RAB22A: variants seen among roughly 807,000 people sequenced by gnomAD.
RAB22A encodes ras-related protein Rab-22A.
RAB22A carries 13 observed loss-of-function variants against 30.2 expected under a neutral mutation model. The ratio of observed to expected loss-of-function variants is 0.43; its 90% CI spans 0.28 to 0.68. The LOEUF is 0.68. Ranked by LOEUF, RAB22A falls within the 30% of genes least tolerant of loss-of-function variation. RAB22A has a pLI of 0.18. For synonymous variants in RAB22A, 89 were observed against 87.2 expected (o/e 1.02, Z -0.11); for missense variants, 177 against 246.8 (o/e 0.72, Z 1.89).
intron 6 of RAB22A, among the ~76,000 whole-genome samples, chr20:58,358,997 A>G (rs999075260): frequency 2.6e-5 from 4 of 151,896 alleles, no homozygotes; most frequent in Non-Finnish European, 4.4e-5. Context: ...AATGGTGCAT[A>G]TGGTTTGCTT....
intron 2 of RAB22A, among the ~76,000 whole-genome samples, chr20:58,324,634 C>T (rs971015575): frequency 2.6e-5 from 4 of 152,016 alleles, no homozygotes; most frequent in Admixed American, 2.0e-4. Context: ...TTTGGGAGGC[C>T]GAGGCGGGCA....
At chr20:58,320,838 T>G (rs1384215803) in intron 2 of RAB22A, among the ~76,000 whole-genome samples, 3 of 152,122 alleles carry the variant, frequency 2.0e-5, no homozygotes, top group Non-Finnish European at 4.4e-5. Context: ...GGTGGATCAC[T>G]TGAAGTCAGG....
chr20:58,359,773 C>G lies in RAB22A; in HGVS notation c.*70C>G, dbSNP rs1987194752. The G allele has an allele frequency of 7.1e-7, 1 of 1,409,474 alleles. No homozygotes were observed. The highest frequency in any genetic ancestry group is 9.9e-7 in the Non-Finnish European group (1 of 1,012,770). 87.3% of individuals were successfully genotyped at this position (1,409,474 alleles called of 1,614,324 possible). On this transcript the variant is annotated 3_prime_UTR_variant, in exon 7 of 7. Coordinates refer to ENST00000244040, the MANE Select transcript of RAB22A (RefSeq NM_020673.3). The stretch of plus-strand genomic sequence containing the variant: ...GAAAGTTAACAGGAGGGCTGGGGTC[C>G]CTGCCACCAGTTTTCACCTAGCCAG...
rs150243815 is a variant in RAB22A, at chr20:58,343,797, C to T, written c.196C>T (p.Arg66Ter). 5 of 1,598,048 alleles carry T rather than the reference C, an allele frequency of 3.1e-6. No individual in the cohort carries two copies. Among genetic ancestry groups the T allele is most frequent in the Non-Finnish European group, 4.3e-6 (5 of 1,165,496 alleles). ...AATCTGGGATACAGCTGGACAAGAA[C>T]GAGTAAGTCACTCTTTAATTTACTC... ...FLIWDTAGQE[R>*]FRALAPMYYR... The change falls in exon 3 of 7, where the codon CGA becomes TGA. Residue 66 changes from arginine (R) to a stop codon, truncating the protein, a stop_gained and splice_region_variant. Transcript: ENST00000244040. LOFTEE classifies it high-confidence loss of function.
chr20:58,318,398 A>G (rs1986385738), intron 2 of RAB22A, among the ~76,000 whole-genome samples: 1 of 152,218 alleles, frequency 6.6e-6, no homozygotes, highest in Admixed American at 6.5e-5. Flanking sequence ...AGTATCCCAA[A>G]TACAAAATGC....
intron 3 of RAB22A, among the ~76,000 whole-genome samples, chr20:58,346,866 G>C (rs1251572867): frequency 6.6e-6 from 1 of 152,198 alleles, no homozygotes; most frequent in East Asian, 1.9e-4. Context: ...TCATCCATGG[G>C]ATTGTCACCT....
chr20:58,327,665 G>A (rs1424351169), intron 2 of RAB22A, among the ~76,000 whole-genome samples: 7 of 152,082 alleles, frequency 4.6e-5, no homozygotes, highest in Admixed American at 3.3e-4. Flanking sequence ...AAGGGAGTAG[G>A]GAATAACCTC....
In RAB22A at chr20:58,361,547, A is replaced by G. The variant is rs1987224433; in HGVS notation, c.*1844A>G. ...CCCGGTGCTAAATTAGCAAGCTCCT[A>G]GAGAAGCCATGTGATTCCCAGAGCC... On this transcript the variant is annotated 3_prime_UTR_variant, in exon 7 of 7. Coordinates refer to ENST00000244040, the MANE Select transcript of RAB22A (RefSeq NM_020673.3). The G allele has an allele frequency of 1.3e-5, 2 of 152,162 alleles. No homozygotes were observed. The highest frequency in any genetic ancestry group is 4.1e-4 in the South Asian group (2 of 4,828). The allele number at this position is 152,162 out of a possible 1,614,324, so 9.4% of individuals were successfully genotyped here.
intron 2 of RAB22A, among the ~76,000 whole-genome samples, chr20:58,333,774 G>T (rs1032097415): frequency 3.3e-5 from 5 of 152,128 alleles, no homozygotes; most frequent in African/African-American, 1.2e-4. Flanking sequence ...AAAATCGAGG[G>T]CCCAGTGCCA....
At chr20:58,316,578 A>G (rs1191792007) in intron 2 of RAB22A, among the ~76,000 whole-genome samples, 2 of 152,092 alleles carry the variant, frequency 1.3e-5, no homozygotes, top group Non-Finnish European at 2.9e-5. Context: ...GTAGTGAGCC[A>G]TTGTGTAGTG....
intron 6 of RAB22A, among the ~76,000 whole-genome samples, chr20:58,357,159 C>T (rs1187650946): frequency 1.3e-5 from 2 of 152,210 alleles, no homozygotes; most frequent in African/African-American, 2.4e-5. Context: ...GAAGTCCGAT[C>T]ACCTTCTGTC....
chr20:58,318,149 A>C (rs1036642076), intron 2 of RAB22A, among the ~76,000 whole-genome samples: 1 of 152,252 alleles, frequency 6.6e-6, no homozygotes, highest in African/African-American at 2.4e-5. Flanking sequence ...ATTAGGCATG[A>C]GCCACAGCAT....
chr20:58,361,310 G>GC lies in RAB22A; in HGVS notation c.*1613dup, dbSNP rs1351600765. The stretch of plus-strand genomic sequence containing the variant: ...TAAAAAATAATTGGTATTATTTTGT[G>GC]CCCCCCACTTAATATGGATAGATTT... On this transcript the variant is annotated 3_prime_UTR_variant, in exon 7 of 7. Coordinates refer to ENST00000244040, the MANE Select transcript of RAB22A (RefSeq NM_020673.3). The GC allele has an allele frequency of 5.9e-5, 9 of 152,464 alleles. No homozygotes were observed. The highest frequency in any genetic ancestry group is 9.7e-5 in the African/African-American group (4 of 41,408). 9.4% of individuals were successfully genotyped at this position (152,464 alleles called of 1,614,324 possible). A position where few individuals can be genotyped will look rare whatever the true frequency, so the allele number is the denominator to read the frequency against.
At chr20:58,357,127 C>T (rs1293437876) in intron 6 of RAB22A, among the ~76,000 whole-genome samples, 1 of 152,206 alleles carries the variant, frequency 6.6e-6, no homozygotes, top group Non-Finnish European at 1.5e-5. Flanking sequence ...TACTAGTTGA[C>T]AACCATACCG....
rs564643180 is a variant in RAB22A at position 58,366,824 on chromosome 20, C to T, written c.*7121C>T. ...TAGTTAACATAAGTGGTCAGAACTT[C>T]GCTGAATTTGTAATAAAGCATTTGT... On this transcript the variant is annotated 3_prime_UTR_variant, in exon 7 of 7. Coordinates refer to ENST00000244040, the MANE Select transcript of RAB22A (RefSeq NM_020673.3). 6.6e-6 allele frequency: 1 copy of T among 152,248 alleles called. No homozygotes were observed. The highest frequency in any genetic ancestry group is 2.4e-5 in the African/African-American group (1 of 41,358). 9.4% of individuals were successfully genotyped at this position (152,248 alleles called of 1,614,324 possible). A position where few individuals can be genotyped will look rare whatever the true frequency, so the allele number is the denominator to read the frequency against.
At chr20:58,348,890 G>A (rs753880771) in intron 3 of RAB22A, among the ~76,000 whole-genome samples, 39 of 152,300 alleles carry the variant, frequency 2.6e-4, no homozygotes, top group Admixed American at 1.6e-3. Flanking sequence ...ATAACAGGCC[G>A]CAGGTTAGAC....
At chr20:58,347,488 A>G (rs1986971400) in intron 3 of RAB22A, among the ~76,000 whole-genome samples, 1 of 152,174 alleles carries the variant, frequency 6.6e-6, no homozygotes, top group Admixed American at 6.5e-5. Flanking sequence ...ATTTTTGTAA[A>G]AATTTGTCAT....
intron 2 of RAB22A, among the ~76,000 whole-genome samples, chr20:58,327,635 A>G (rs1986590834): frequency 6.6e-6 from 1 of 152,254 alleles, no homozygotes; most frequent in South Asian, 2.1e-4. Context: ...GAAGGGAGTT[A>G]CTAAACCAAT....
chr20:58,321,033 T>C (rs541510581), intron 2 of RAB22A, among the ~76,000 whole-genome samples: 80 of 151,986 alleles, frequency 5.3e-4, no homozygotes, highest in African/African-American at 1.9e-3. Context: ...CTACTAAAAA[T>C]ACAAAAATTA....
Sources: gnomAD v4.1 joint callset for allele counts (sites outside exome capture counted in the v4.1 genomes callset) on GRCh38, gnomAD v4.1.1 for gene constraint, MANE v1.5 for transcripts, NCBI Gene and HGNC (gene_info 2026-07-23, HGNC 2026-07-21) for gene names.